APEH: variants seen among roughly 807,000 people sequenced by gnomAD.
The protein encoded by APEH is acylaminoacyl-peptide hydrolase.
Under a neutral mutation model 102.7 loss-of-function variants are expected in APEH, and 75 were observed. The ratio of observed to expected loss-of-function variants is 0.73; its 90% CI spans 0.61 to 0.89. The LOEUF (loss-of-function observed/expected upper bound fraction) is 0.89. Among genes scored for constraint, APEH ranks in the 40% least tolerant of loss-of-function variants. The pLI is 0.00. For synonymous variants in APEH, 344 were observed against 362.7 expected, an observed-to-expected ratio of 0.95 and a Z score of 0.59; for missense variants, 863 against 941.2, an observed-to-expected ratio of 0.92 and a Z score of 1.09.
At chr3:49,682,072 TC>T (rs1294580160) in intron 17 of APEH, 105 bp downstream of exon 17, 2 of 1,305,348 alleles carry the variant, frequency 1.5e-6, no homozygotes. Context: ...TCCAGGACTT[TC>T]TCTAGCCTAG....
rs551257615 is a variant in APEH at position 49,680,619 on chromosome 3, C to G, written c.1289C>G (p.Pro430Arg). ...MVAQFSTPSL[P>R]PTLKVGFLPS... The stretch of plus-strand genomic sequence containing the variant: ...GCACAGTTTTCCACACCCAGCCTAC[C>G]TCCAACCCTGGTGAGTGTCGGTGGG... The change falls in exon 14 of 22, where the codon CCT becomes CGT. Residue 430 changes from proline (P) to arginine (R), a missense_variant. Transcript: ENST00000296456. 1 of 1,613,998 alleles carries G rather than the reference C, an allele frequency of 6.2e-7. No homozygotes were observed. The highest frequency in any genetic ancestry group is 1.7e-5 in the Admixed American group (1 of 60,018).
upstream of APEH, chr3:49,674,319 G>C (rs374174745): frequency 2.7e-6 from 4 of 1,495,308 alleles, no homozygotes; most frequent in Non-Finnish European, 3.6e-6. Context: ...GAGACAGCCC[G>C]GGCCGTCCCA....
upstream of APEH, chr3:49,674,214 C>T: frequency 2.8e-6 from 2 of 714,528 alleles, no homozygotes; most frequent in South Asian, 3.9e-5. Flanking sequence ...GCTCCCAGGC[C>T]GGGTCCTCTC....
intron 10 of APEH, 56 bp from the exon 11 acceptor site, chr3:49,677,517 T>C (rs1375768535): frequency 4.0e-6 from 6 of 1,507,354 alleles, no homozygotes; most frequent in Non-Finnish European, 5.5e-6. Context: ...CAGGGCACTG[T>C]GCCCTAAGGG....
At position 49,681,819 on chromosome 3, in the gene APEH, G is replaced by C. The variant is rs200387851; in HGVS notation, c.1522+14G>C. ...TCATGCCCCACGGTAGGCATCTGGC[G>C]TTAAGAGCCCTTGCCCTCCCAGCCC... On this transcript the variant is annotated intron_variant, in intron 16 of 21. Coordinates refer to ENST00000296456, the MANE Select transcript of APEH (RefSeq NM_001640.4). The C allele has an allele frequency of 6.2e-7, 1 of 1,611,216 alleles. No homozygotes were observed. The highest frequency in any genetic ancestry group is 8.5e-7 in the Non-Finnish European group (1 of 1,177,574).
chr3:49,680,317 A>C, intron 13 of APEH: 1 of 529,756 alleles, frequency 1.9e-6, no homozygotes. Flanking sequence ...ATGTGTCTTA[A>C]GGTTTGGCAG....
rs770100074 is a variant in APEH, at chr3:49,676,495, G to A, written c.724G>A (p.Glu242Lys). Residue 242 changes from glutamate to lysine, a missense_variant, in exon 7 of 22, where the codon GAG (glutamate) becomes AAG (lysine). Glu to Lys is a moderately conservative substitution (Grantham distance 56). Transcript: ENST00000296456. ...GNISVLEGVP[E>K]NVSPGQAFWA... Reference sequence around the variant, plus strand: ...CATCTCTGTGCTTGAGGGGGTCCCTGAGAATGTGTCCCCTGGACAGGTCAG... The same window carrying A: ...CATCTCTGTGCTTGAGGGGGTCCCTAAGAATGTGTCCCCTGGACAGGTCAG... 1 of 1,614,254 alleles carries A rather than the reference G, an allele frequency of 6.2e-7. No individual in the cohort carries two copies. The highest frequency in any genetic ancestry group is 8.5e-7 in the Non-Finnish European group (1 of 1,180,036).
intron 17 of APEH, 73 bp from the exon 18 acceptor site, chr3:49,682,275 G>A (rs2053364794): frequency 6.4e-6 from 9 of 1,413,184 alleles, no homozygotes; most frequent in Non-Finnish European, 6.9e-6. Context: ...CTACTTCACA[G>A]ATGTGTGAAA....
Position 49,682,538 on chromosome 3 carries a change from C to A in APEH, c.1693-8C>A. The A allele has an allele frequency of 6.2e-7, 1 of 1,614,018 alleles. No individual in the cohort carries two copies. The highest frequency in any genetic ancestry group is 8.5e-7 in the Non-Finnish European group (1 of 1,179,936). On this transcript the variant is annotated splice_polypyrimidine_tract_variant and splice_region_variant and intron_variant, in intron 18 of 21. Coordinates refer to ENST00000296456, the MANE Select transcript of APEH (RefSeq NM_001640.4). ...GCTGGCTGCAGCATGCTTTGTCCCA[C>A]CCTGCAGTTTGCAGTGGAACAGGTG...
rs2053452449 is a variant in APEH at position 49,683,497 on chromosome 3, A to G, written c.*155A>G. 4 of 656,484 alleles carry G rather than the reference A, an allele frequency of 6.1e-6. No homozygotes were observed. The Admixed American group carries it at 1.1e-4, about 17-fold the overall frequency. 40.7% of individuals were successfully genotyped at this position (656,484 alleles called of 1,614,324 possible). Reference sequence around the variant, plus strand: ...GGCTATGTAGTCATAATAAATTAGGACACAGAGCCTGGTTCCTGCTGGTAC... The same window carrying G: ...GGCTATGTAGTCATAATAAATTAGGGCACAGAGCCTGGTTCCTGCTGGTAC... On this transcript the variant is annotated 3_prime_UTR_variant, in exon 22 of 22. Coordinates refer to ENST00000296456, the MANE Select transcript of APEH (RefSeq NM_001640.4).
In APEH at chr3:49,676,963, G is replaced by A. The variant is rs1019425441; in HGVS notation, c.938G>A (p.Arg313His). Residue 313 changes from arginine (R) to histidine (H), a missense_variant, in exon 10 of 22, where the codon CGC becomes CAC. Physicochemically the swap from Arg to His is conservative, Grantham distance 29. Transcript: ENST00000296456. Reference protein sequence around the residue: ...SSPRLSPDQCRIVYLQYPSLI... With the variant: ...SSPRLSPDQCHIVYLQYPSLI... ...CCCCGGCTGAGCCCAGACCAATGTC[G>A]CATTGTCTACCTGCAGTACCCATCT... 7.4e-6 allele frequency: 12 copies of A among 1,614,034 alleles called. No individual in the cohort carries two copies. The highest frequency in any genetic ancestry group is 2.2e-5 in the East Asian group (1 of 44,892).
chr3:49,675,383 A>G lies in APEH; in HGVS notation c.272+74A>G, dbSNP rs928987559. On this transcript the variant is annotated intron_variant, in intron 3 of 21. Transcript: ENST00000296456. ...TGCAAGCCTTTTATGAATGCTCACC[A>G]TGTGCCTAGAAGGGAGGCCAGCAGC... is the stretch of plus-strand genomic sequence containing the variant. 2.5e-6 allele frequency: 4 copies of G among 1,578,704 alleles called. 1 individual carries two copies. Among genetic ancestry groups the G allele is most frequent in the South Asian group, 1.2e-5 (1 of 86,870 alleles).
Position 49,682,702 on chromosome 3 carries a change from G to A in APEH, c.1849G>A (p.Ala617Thr), listed in dbSNP as rs369269341. ...GGCCCGGAACCCCGTGATCAACATCGCCTCCATGTTGGGCTCCACTGACAT... is the reference window on the plus strand; with the variant it reads ...GGCCCGGAACCCCGTGATCAACATCACCTCCATGTTGGGCTCCACTGACAT... Reference protein sequence around the residue: ...CVARNPVINIASMLGSTDIPD... With the variant: ...CVARNPVINITSMLGSTDIPD... Residue 617 changes from alanine to threonine, a missense_variant, in exon 19 of 22, where the codon GCC (alanine) becomes ACC (threonine). Transcript: ENST00000296456. 2.5e-6 allele frequency: 4 copies of A among 1,613,908 alleles called. No homozygotes were observed. The highest frequency in any genetic ancestry group is 3.4e-6 in the Non-Finnish European group (4 of 1,179,990).
Position 49,676,963 on chromosome 3 carries a change from G to T in APEH, c.938G>T (p.Arg313Leu), listed in dbSNP as rs1019425441. Residue 313 changes from arginine to leucine, a missense_variant, in exon 10 of 22, where the codon CGC (arginine) becomes CTC (leucine). Physicochemically the swap from Arg to Leu is moderately radical, Grantham distance 102. Transcript: ENST00000296456. ...SSPRLSPDQC[R>L]IVYLQYPSLI... The stretch of plus-strand genomic sequence containing the variant: ...CCCCGGCTGAGCCCAGACCAATGTC[G>T]CATTGTCTACCTGCAGTACCCATCT... The T allele has an allele frequency of 1.2e-6, 2 of 1,614,152 alleles. No homozygotes were observed. The highest frequency in any genetic ancestry group is 2.2e-5 in the South Asian group (2 of 91,084).
intron 14 of APEH, 131 bp downstream of exon 14, chr3:49,680,760 T>C (rs970424651): frequency 1.2e-6 from 1 of 841,348 alleles, no homozygotes. Flanking sequence ...CAGGCCCAGC[T>C]TGGCATGGTC....
At chr3:49,680,730 C>A in intron 14 of APEH, 101 bp downstream of exon 14, 2 of 1,095,442 alleles carry the variant, frequency 1.8e-6, no homozygotes, top group Non-Finnish European at 2.7e-6. Context: ...GGCTGGTCAG[C>A]ATACAGACGG....
chr3:49,676,730 T>C, intron 8 of APEH, 30 bp downstream of exon 8: 1 of 1,614,264 alleles, frequency 6.2e-7, no homozygotes, highest in East Asian at 2.2e-5. Flanking sequence ...CAAGGGGCCT[T>C]GCAGCCCAGC....
Position 49,683,923 on chromosome 3 carries a change from G to A in APEH, c.*581G>A. 1 of 1,506,566 alleles carries A rather than the reference G, an allele frequency of 6.6e-7. No homozygotes were observed. The highest frequency in any genetic ancestry group is 1.3e-5 in the South Asian group (1 of 74,560). 93.3% of individuals were successfully genotyped at this position (1,506,566 alleles called of 1,614,324 possible). A position where few individuals can be genotyped will look rare whatever the true frequency, so the allele number is the denominator to read the frequency against. ...CAAGGAGTCACTGACACATTTCCTG[G>A]AAGCAAAGGCTAAGAAGCATCTGTA... On this transcript the variant is annotated 3_prime_UTR_variant, in exon 22 of 22. Coordinates refer to ENST00000296456, the MANE Select transcript of APEH (RefSeq NM_001640.4).
chr3:49,676,011 A>T (rs2053027983), intron 5 of APEH, 45 bp downstream of exon 5: 1 of 1,614,044 alleles, frequency 6.2e-7, no homozygotes, highest in African/African-American at 1.3e-5. Context: ...CAGGAGGGGT[A>T]GCCGTAGCCC....
Sources: gnomAD v4.1 joint callset for allele counts on GRCh38, gnomAD v4.1.1 for gene constraint, MANE v1.5 for transcripts, NCBI Gene and HGNC (gene_info 2026-07-23, HGNC 2026-07-21) for gene names.